Variants in ZBTB16 observed in about 807,000 individuals in gnomAD.
ZBTB16 encodes zinc finger and BTB domain-containing protein 16.
Under a neutral mutation model 56.8 loss-of-function variants are expected in ZBTB16, and 8 were observed. That is an observed-to-expected ratio of 0.14 (90% CI 0.08 to 0.25). ZBTB16 has a LOEUF of 0.25. Ranked by LOEUF, ZBTB16 falls within the 10% of genes least tolerant of loss-of-function variation. The pLI is 1.00. For missense variants in ZBTB16, 625 were observed against 903.0 expected (o/e 0.69, Z 3.95); for synonymous variants, 363 against 368.5 (o/e 0.98, Z 0.17).
chr11:114,207,894 G>A (rs12276942), intron 4 of ZBTB16, among the ~76,000 whole-genome samples: 2,591 of 152,270 alleles, frequency 0.017, 78 homozygotes, highest in African/African-American at 0.059. Flanking sequence ...GATTACAGGC[G>A]TGTGCCACCA....
chr11:114,096,314 A>G (rs887287474), intron 2 of ZBTB16, among the ~76,000 whole-genome samples: 2 of 152,148 alleles, frequency 1.3e-5, no homozygotes, highest in African/African-American at 4.8e-5. Context: ...TGACTTATCT[A>G]TTATTTCTGA....
intron 2 of ZBTB16, among the ~76,000 whole-genome samples, chr11:114,122,157 G>T (rs2137806452): frequency 6.6e-6 from 1 of 152,334 alleles, no homozygotes; most frequent in Non-Finnish European, 1.5e-5. Context: ...TGCACGCCCT[G>T]TATGTGAGGC....
intron 2 of ZBTB16, among the ~76,000 whole-genome samples, chr11:114,136,443 C>A (rs1365236601): frequency 6.6e-6 from 1 of 152,124 alleles, no homozygotes; most frequent in African/African-American, 2.4e-5. Context: ...TAGGAAAGAG[C>A]ATCTTATTTT....
At chr11:114,065,510 G>A (rs554255978) in intron 2 of ZBTB16, among the ~76,000 whole-genome samples, 15 of 152,164 alleles carry the variant, frequency 9.9e-5, no homozygotes, top group Admixed American at 7.2e-4. Flanking sequence ...TCTGCATCCC[G>A]GGTTAAGGTG....
At position 114,063,147 on chromosome 11, in the gene ZBTB16, A is replaced by T; in HGVS notation, c.-90-64A>T. On this transcript the variant is annotated intron_variant, in intron 1 of 6. Coordinates refer to ENST00000335953, the MANE Select transcript of ZBTB16 (RefSeq NM_006006.6). This position sits in a 1 kb window ranked among gnomAD's most constrained non-coding sequence, Gnocchi z 6.5. ...AGTGGTTGAATTCTTACTTTTAGGG[A>T]CACTGATGAATTTGTCTTTTGTTCT... The T allele has an allele frequency of 3.7e-6, 3 of 805,302 alleles. No individual in the cohort carries two copies. The highest frequency in any genetic ancestry group is 6.0e-6 in the Non-Finnish European group (3 of 499,166). 49.9% of individuals were successfully genotyped at this position (805,302 alleles called of 1,614,324 possible).
intron 2 of ZBTB16, among the ~76,000 whole-genome samples, chr11:114,124,769 T>A (rs1046174151): frequency 6.6e-6 from 1 of 152,178 alleles, no homozygotes; most frequent in Non-Finnish European, 1.5e-5. Context: ...CTGTGCAGGG[T>A]ACACCTGTTC....
chr11:114,071,095 G>A (rs144811199), intron 2 of ZBTB16, among the ~76,000 whole-genome samples: 55 of 152,108 alleles, frequency 3.6e-4, no homozygotes, highest in East Asian at 1.4e-3. Flanking sequence ...GGATTGTTGC[G>A]CTCTTTAAAA....
chr11:114,239,924 G>A (rs890371710), intron 4 of ZBTB16, among the ~76,000 whole-genome samples: 2 of 152,166 alleles, frequency 1.3e-5, no homozygotes, highest in Non-Finnish European at 2.9e-5. Flanking sequence ...TGTGATCTTA[G>A]GCAAGTTATT....
intron 1 of ZBTB16, among the ~76,000 whole-genome samples, chr11:114,061,937 G>A (rs532431505): frequency 1.5e-3 from 226 of 152,246 alleles, no homozygotes; most frequent in Non-Finnish European, 2.4e-3. Flanking sequence ...ACCCAGCCCA[G>A]CATGAGCACT....
At chr11:114,128,117 C>G (rs546624282) in intron 2 of ZBTB16, among the ~76,000 whole-genome samples, 1 of 152,318 alleles carries the variant, frequency 6.6e-6, no homozygotes, top group Admixed American at 6.5e-5. Context: ...ATCTCTGTCT[C>G]TCTGGGAACT....
intron 5 of ZBTB16, among the ~76,000 whole-genome samples, chr11:114,244,347 C>T (rs749610140): frequency 2.7e-5 from 4 of 149,790 alleles, no homozygotes; most frequent in African/African-American, 7.4e-5. Flanking sequence ...CCAGAGAAAG[C>T]ACCAAGTAAG....
intron 2 of ZBTB16, among the ~76,000 whole-genome samples, chr11:114,065,651 G>C (rs970785468): frequency 2.6e-5 from 4 of 152,162 alleles, no homozygotes; most frequent in Non-Finnish European, 4.4e-5. Flanking sequence ...CCCGACCTCA[G>C]GTGATCGGCC....
chr11:114,069,722 A>T (rs1939258080), intron 2 of ZBTB16, among the ~76,000 whole-genome samples: 1 of 152,208 alleles, frequency 6.6e-6, no homozygotes, highest in South Asian at 2.1e-4. Context: ...TGTTTGGAAA[A>T]GGGTATGCTG....
chr11:114,253,800 T>C lies in ZBTB16; in HGVS notation c.*3245T>C, dbSNP rs1283219307. Among the ~76,000 whole-genome samples the C allele has an allele frequency of 1.3e-5, 2 of 152,240 alleles. No homozygotes were observed. Among genetic ancestry groups the C allele is most frequent in the Non-Finnish European group, 2.9e-5 (2 of 68,032 alleles). On this transcript the variant is annotated 3_prime_UTR_variant, in exon 7 of 7. Coordinates refer to ENST00000335953, the MANE Select transcript of ZBTB16 (RefSeq NM_006006.6). ...GTGGCCAGGGGGCAAGCTAAGAGGC[T>C]GTCTGGAGGCTTTATATGTGTCTGG...
At chr11:114,088,593 A>G (rs1203983034) in intron 2 of ZBTB16, among the ~76,000 whole-genome samples, 1 of 152,142 alleles carries the variant, frequency 6.6e-6, no homozygotes, top group African/African-American at 2.4e-5. Context: ...ATAGGTATTC[A>G]GTACCTCTTG....
At chr11:114,124,103 A>G (rs967260546) in intron 2 of ZBTB16, among the ~76,000 whole-genome samples, 2 of 152,158 alleles carry the variant, frequency 1.3e-5, no homozygotes, top group Non-Finnish European at 2.9e-5. Context: ...TGGGGAGTGA[A>G]GTCCAGCCTG....
At chr11:114,066,677 C>A (rs1051028100) in intron 2 of ZBTB16, among the ~76,000 whole-genome samples, 1 of 151,532 alleles carries the variant, frequency 6.6e-6, no homozygotes, top group African/African-American at 2.4e-5. Flanking sequence ...ATGTTATATT[C>A]GAAAGAGCCT....
At chr11:114,066,917 C>T (rs1430025229) in intron 2 of ZBTB16, among the ~76,000 whole-genome samples, 1 of 151,450 alleles carries the variant, frequency 6.6e-6, no homozygotes, top group East Asian at 1.9e-4. Flanking sequence ...ACTACAGGCA[C>T]CTGTCACCCC....
At chr11:114,062,128 A>G (rs1591629351) in intron 1 of ZBTB16, among the ~76,000 whole-genome samples, 1 of 139,916 alleles carries the variant, frequency 7.1e-6, no homozygotes, top group African/African-American at 2.6e-5. Flanking sequence ...TCTGAGACGG[A>G]GTTTTGCTCC....
Sources: gnomAD v4.1 joint callset for allele counts (sites outside exome capture counted in the v4.1 genomes callset) on GRCh38, gnomAD v4.1.1 for gene constraint, Gnocchi (gnomAD v3.1) non-coding constraint, MANE v1.5 for transcripts, NCBI Gene and HGNC (gene_info 2026-07-23, HGNC 2026-07-21) for gene names.